RBFOX1: variants seen among roughly 807,000 people sequenced by gnomAD.
The protein encoded by RBFOX1 is RNA binding protein fox-1 homolog 1.
A neutral mutation model predicts 57.7 loss-of-function variants in RBFOX1; 8 were observed. The observed-to-expected ratio is 0.14, with a 90% CI of 0.08 to 0.25. The LOEUF is 0.25. RBFOX1 is among the 10% of genes least tolerant of loss of function. The probability of loss-of-function intolerance (pLI) is 1.00; values close to 1 mark genes in which losing one functional copy is unlikely to be tolerated. For synonymous variants in RBFOX1, 326 were observed against 222.4 expected (o/e 1.47, Z -4.15); for missense variants, 611 against 548.5 (o/e 1.11, Z -1.14).
intron 4 of RBFOX1, among the ~76,000 whole-genome samples, chr16:7,186,488 ATATT>A (rs1410128339): frequency 7.6e-6 from 1 of 131,496 alleles, no homozygotes; most frequent in Non-Finnish European, 1.6e-5. Context: ...AAGCATAAAC[ATATT>A]TATATAAATA....
At chr16:6,652,907 T>A (rs368010524) in intron 2 of RBFOX1, among the ~76,000 whole-genome samples, 1 of 152,226 alleles carries the variant, frequency 6.6e-6, no homozygotes, top group Non-Finnish European at 1.5e-5. Flanking sequence ...GTTAATGATA[T>A]TGTATTTTAT....
chr16:5,910,280 C>T (rs1364134028), intron 4 of RBFOX1, among the ~76,000 whole-genome samples: 1 of 152,066 alleles, frequency 6.6e-6, no homozygotes, highest in Non-Finnish European at 1.5e-5. Flanking sequence ...GGAGAAGTTT[C>T]ACATAGCATC....
intron 1 of RBFOX1, among the ~76,000 whole-genome samples, chr16:5,426,450 C>T (rs1262814963): frequency 1.3e-5 from 2 of 152,200 alleles, no homozygotes; most frequent in Non-Finnish European, 1.5e-5. Flanking sequence ...TTGCAGCCAC[C>T]GCCAGGGTGT....
chr16:5,931,998 C>T (rs2059069599), intron 4 of RBFOX1, among the ~76,000 whole-genome samples: 1 of 152,042 alleles, frequency 6.6e-6, no homozygotes, highest in African/African-American at 2.4e-5. Flanking sequence ...ACTTGGGCCT[C>T]TCCCTATGTT....
At position 7,321,125 on chromosome 16, in the gene RBFOX1, A is replaced by ATATACATATACT. The variant is rs1474192205; in HGVS notation, c.28-197017_28-197016insATATACTTATAC. Among the ~76,000 whole-genome samples the ATATACATATACT allele has an allele frequency of 3.7e-3, 469 of 128,284 alleles. 2 individuals carry two copies. Among genetic ancestry groups the ATATACATATACT allele is most frequent in the African/African-American group, 0.012 (421 of 35,604 alleles). The allele number at this position is 128,284 out of a possible 152,430, so 84.2% of individuals were successfully genotyped here. On this transcript the variant is annotated intron_variant, in intron 4 of 15. Transcript: ENST00000550418. ...CATATACATATACATATACATATAC[A>ATATACATATACT]TATACTTATACTTATATTGTTTGTT...
intron 4 of RBFOX1, among the ~76,000 whole-genome samples, chr16:7,058,088 A>G (rs1426467694): frequency 1.3e-5 from 2 of 151,908 alleles, no homozygotes; most frequent in African/African-American, 2.4e-5. Flanking sequence ...TGAACAAAGG[A>G]TCCTGGAAAA....
chr16:6,462,647 G>C (rs1476581662), intron 2 of RBFOX1, among the ~76,000 whole-genome samples: 1 of 151,986 alleles, frequency 6.6e-6, no homozygotes, highest in Non-Finnish European at 1.5e-5. Flanking sequence ...GAAATAATTA[G>C]TAAAAGCTCA....
chr16:6,356,624 T>C (rs898992004), intron 2 of RBFOX1, among the ~76,000 whole-genome samples: 6 of 151,846 alleles, frequency 4.0e-5, no homozygotes, highest in Non-Finnish European at 7.4e-5. Context: ...AAAGAAAAAC[T>C]GTGAAATAGC....
rs2062009395 is a variant in RBFOX1 at position 7,473,597 on chromosome 16, C to G, written c.28-44550C>G. 2.0e-5 allele frequency among the ~76,000 whole-genome samples: 3 copies of G among 151,358 alleles called. No individual in the cohort carries two copies. In the South Asian group the frequency reaches 6.3e-4, roughly 32 times the overall value. ...CTTGTTTTCCTCTTTACCTGCTACC[C>G]ATATTATGAGTTACAGGAGCAGCTC... On this transcript the variant is annotated intron_variant, in intron 4 of 15. Transcript: ENST00000550418.
At chr16:5,362,751 T>C (rs576979496) in intron 1 of RBFOX1, among the ~76,000 whole-genome samples, 40 of 152,118 alleles carry the variant, frequency 2.6e-4, no homozygotes, top group African/African-American at 9.4e-4. Flanking sequence ...TGTTTCTGTG[T>C]GTTTGACTGT....
In RBFOX1 at chr16:7,702,386, C is replaced by T. The variant is rs1033833043; in HGVS notation, c.996-6670C>T. On this transcript the variant is annotated intron_variant, in intron 14 of 15. Transcript: ENST00000550418. Reference sequence around the variant, plus strand: ...CCAAGAAGCTGAGGGGACCTCTCTGCAGTTGCAGAATTGCCAAGAGATTTG... The same window carrying T: ...CCAAGAAGCTGAGGGGACCTCTCTGTAGTTGCAGAATTGCCAAGAGATTTG... Among the ~76,000 whole-genome samples, 10 of 151,930 alleles carry T rather than the reference C, an allele frequency of 6.6e-5. No individual in the cohort carries two copies. In the East Asian group the frequency reaches 1.7e-3, roughly 26 times the overall value.
At chr16:7,047,873 G>A (rs1369664912) in intron 3 of RBFOX1, among the ~76,000 whole-genome samples, 8 of 150,436 alleles carry the variant, frequency 5.3e-5, no homozygotes, top group South Asian at 4.2e-4. Context: ...ATTTTATTCC[G>A]TTTTAATTAA....
rs938260202 is a variant in RBFOX1 at position 7,412,586 on chromosome 16, T to C, written c.28-105561T>C. ...AAAAATATGGACTAATCAAATACTT[T>C]CTAGATTTCGTGTTTATAGCGTTTC... is the stretch of plus-strand genomic sequence containing the variant. On this transcript the variant is annotated intron_variant, in intron 4 of 15. Coordinates refer to ENST00000550418, the MANE Select transcript of RBFOX1 (RefSeq NM_018723.4). 9.1e-4 allele frequency among the ~76,000 whole-genome samples: 138 copies of C among 152,318 alleles called. 1 individual carries two copies. The highest frequency in any genetic ancestry group is 3.2e-3 in the African/African-American group (134 of 41,576).
chr16:7,634,948 A>G (rs2061526383), intron 11 of RBFOX1, among the ~76,000 whole-genome samples: 1 of 152,262 alleles, frequency 6.6e-6, no homozygotes, highest in African/African-American at 2.4e-5. Flanking sequence ...TAGGCTTTCA[A>G]TAGAAACAAT....
At chr16:7,589,912 G>GGTGGGTGTGT in intron 7 of RBFOX1, among the ~76,000 whole-genome samples, 1 of 135,054 alleles carries the variant, frequency 7.4e-6, no homozygotes, top group African/African-American at 2.7e-5. Context: ...GTGTGTGCTG[G>GGTGGGTGTGT]GTGTGTGTGT....
chr16:7,189,555 A>ACACACC (rs2084848362), intron 4 of RBFOX1, among the ~76,000 whole-genome samples: 1 of 78,064 alleles, frequency 1.3e-5, no homozygotes, highest in African/African-American at 5.7e-5. Context: ...GTCCCCCAAA[A>ACACACC]CACACACACA....
At chr16:5,733,944 A>C (rs112543794) in intron 3 of RBFOX1, among the ~76,000 whole-genome samples, 10 of 151,576 alleles carry the variant, frequency 6.6e-5, no homozygotes, top group African/African-American at 2.4e-4. Flanking sequence ...CATTTCCTTC[A>C]TGCTTCCTGA....
chr16:7,036,202 A>G (rs1186911233), intron 3 of RBFOX1, among the ~76,000 whole-genome samples: 1 of 145,890 alleles, frequency 6.9e-6, no homozygotes, highest in African/African-American at 2.5e-5. Flanking sequence ...TCACCTTGAC[A>G]TTTTTTTTTT....
At chr16:5,836,459 C>G (rs1445907378) in intron 3 of RBFOX1, among the ~76,000 whole-genome samples, 2 of 152,168 alleles carry the variant, frequency 1.3e-5, no homozygotes, top group African/African-American at 4.8e-5. Flanking sequence ...TGTTCTGCTC[C>G]CCATCTCAGT....
Sources: gnomAD v4.1 joint callset for allele counts (sites outside exome capture counted in the v4.1 genomes callset) on GRCh38, gnomAD v4.1.1 for gene constraint, MANE v1.5 for transcripts, NCBI Gene and HGNC (gene_info 2026-07-23, HGNC 2026-07-21) for gene names.